The following DOCK11 variants were observed in gnomAD, a reference collection of about 807,000 sequenced individuals.
The protein encoded by DOCK11 is dedicator of cytokinesis 11.
In DOCK11, 70 loss-of-function variants were observed where a neutral mutation model predicts 169.1. The observed-to-expected ratio is 0.41, with a 90% confidence interval of 0.34 to 0.51. The LOEUF (loss-of-function observed/expected upper bound fraction) is 0.51, where lower values mean the gene tolerates loss of function less well. Ranked by LOEUF, DOCK11 falls within the 20% of genes least tolerant of loss-of-function variation. DOCK11 has a pLI of 0.10. For synonymous variants in DOCK11, 529 were observed against 541.3 expected (o/e 0.98, Z 0.32); for missense variants, 1,166 against 1,538.8 (o/e 0.76, Z 4.05).
In DOCK11 at chrX:118,549,106, C is replaced by CTGTG. The variant is rs57680469; in HGVS notation, c.558+3011_558+3014dup. Reference sequence around the variant, plus strand: ...CTTTTTATCCTCAGCTGCTCATATTCTGTGTGTGTGTGTGTGTGTGTGTGA... The same window carrying CTGTG: ...CTTTTTATCCTCAGCTGCTCATATTCTGTGTGTGTGTGTGTGTGTGTGTGTGTGA... On this transcript the variant is annotated intron_variant, in intron 6 of 52. Transcript: ENST00000276202. Among the ~76,000 whole-genome samples the CTGTG allele has an allele frequency of 2.5e-3, 248 of 99,113 alleles. 4 individuals carry two copies. In the East Asian group the frequency reaches 0.041, roughly 16 times the overall value. The allele number at this position is 99,113 out of a possible 115,157, so 86.1% of individuals were successfully genotyped here.
intron 1 of DOCK11, among the ~76,000 whole-genome samples, chrX:118,514,139 C>A (rs994300594): frequency 1.8e-5 from 2 of 109,835 alleles, no homozygotes; most frequent in South Asian, 7.8e-4. Flanking sequence ...AACGTCTGAC[C>A]TTTCCCCTGC....
intron 1 of DOCK11, among the ~76,000 whole-genome samples, chrX:118,509,215 C>T (rs1479928084): frequency 9.0e-6 from 1 of 111,205 alleles, no homozygotes; most frequent in Non-Finnish European, 1.9e-5. Flanking sequence ...TTACCCTCAC[C>T]AGGACCATAT....
At chrX:118,496,367 G>A (rs1449547568) in intron 1 of DOCK11, among the ~76,000 whole-genome samples, 2 of 112,016 alleles carry the variant, frequency 1.8e-5, no homozygotes, top group African/African-American at 6.5e-5. Flanking sequence ...ACCCAGGGTC[G>A]GGGCCGGGGG....
At chrX:118,677,144 A>G (rs1270406583) in intron 48 of DOCK11, among the ~76,000 whole-genome samples, 3 of 112,354 alleles carry the variant, frequency 2.7e-5, no homozygotes, top group African/African-American at 9.7e-5. Flanking sequence ...TGTAAATGCT[A>G]TTGTACATCA....
intron 6 of DOCK11, among the ~76,000 whole-genome samples, chrX:118,551,272 T>C (rs942417124): frequency 5.3e-5 from 6 of 112,766 alleles, no homozygotes; most frequent in Admixed American, 2.8e-4. Flanking sequence ...CTGAGCTTAT[T>C]TGATGCCCTG....
At chrX:118,516,636 T>C (rs779069306) in intron 1 of DOCK11, among the ~76,000 whole-genome samples, 86 of 108,895 alleles carry the variant, frequency 7.9e-4, no homozygotes, top group Non-Finnish European at 1.4e-3. Context: ...GGTTTCGCCA[T>C]GTTGGCCAGG....
intron 21 of DOCK11, among the ~76,000 whole-genome samples, 186 bp downstream of exon 21, chrX:118,597,738 A>G (rs1050308938): frequency 4.5e-5 from 5 of 111,824 alleles, no homozygotes; most frequent in African/African-American, 1.6e-4. Flanking sequence ...AAGTAATTTT[A>G]TGTCTGTTGA....
intron 6 of DOCK11, among the ~76,000 whole-genome samples, chrX:118,556,521 G>T (rs749959575): frequency 2.8e-5 from 3 of 106,777 alleles, no homozygotes; most frequent in African/African-American, 1.0e-4. Flanking sequence ...GGGTGAGGTG[G>T]GTAGATCACT....
At chrX:118,603,172 A>G (rs2014394084) in intron 23 of DOCK11, among the ~76,000 whole-genome samples, 1 of 112,486 alleles carries the variant, frequency 8.9e-6, no homozygotes, top group Admixed American at 9.4e-5. Flanking sequence ...GTAGGTGTAA[A>G]CACCTTACAT....
At chrX:118,681,941 T>A in intron 51 of DOCK11, 147 bp downstream of exon 51, 2 of 388,365 alleles carry the variant, frequency 5.1e-6, no homozygotes, top group Non-Finnish European at 8.8e-6. Context: ...GACCTCCTAA[T>A]GGCACTTTGA....
rs996839799 is a variant in DOCK11, at chrX:118,647,297, A to G, written c.4399-1648A>G. 6.8e-5 allele frequency among the ~76,000 whole-genome samples: 7 copies of G among 102,897 alleles called. No homozygotes were observed. In the Admixed American group the frequency reaches 7.0e-4, roughly 10 times the overall value. The allele number at this position is 102,897 out of a possible 115,157, so 89.4% of individuals were successfully genotyped here. ...ACAATAAAGGAACTGTTGAAATATA[A>G]AGCAAAAGAGTAAGTAATGAAAATT... On this transcript the variant is annotated intron_variant, in intron 40 of 52. Transcript: ENST00000276202.
intron 28 of DOCK11, among the ~76,000 whole-genome samples, chrX:118,614,255 C>G (rs2014755486): frequency 9.0e-6 from 1 of 111,591 alleles, no homozygotes; most frequent in African/African-American, 3.3e-5. Flanking sequence ...CATAGGCAAG[C>G]CTCACTTTCA....
chrX:118,517,217 T>TA (rs2057695839), intron 1 of DOCK11, among the ~76,000 whole-genome samples: 5 of 108,363 alleles, frequency 4.6e-5, no homozygotes, highest in African/African-American at 1.7e-4. Flanking sequence ...CCCTGTCTCT[T>TA]AAAAAAAATA....
chrX:118,505,102 T>C (rs1009271693), intron 1 of DOCK11, among the ~76,000 whole-genome samples: 1 of 112,331 alleles, frequency 8.9e-6, no homozygotes, highest in Non-Finnish European at 1.9e-5. Flanking sequence ...TGGTTCACTG[T>C]AACCTCCGCC....
intron 44 of DOCK11, among the ~76,000 whole-genome samples, chrX:118,660,488 A>T (rs1050374731): frequency 9.1e-6 from 1 of 110,319 alleles, no homozygotes. Context: ...ATTTTTTGAG[A>T]TGGCGTCTCG....
At chrX:118,614,494 C>T (rs950544346) in intron 28 of DOCK11, among the ~76,000 whole-genome samples, 198 bp from the exon 29 acceptor site, 1 of 111,795 alleles carries the variant, frequency 8.9e-6, no homozygotes, top group Non-Finnish European at 1.9e-5. Flanking sequence ...TGAGGCCCTT[C>T]AGTCCCAATT....
At chrX:118,515,311 G>A (rs772621126) in intron 1 of DOCK11, among the ~76,000 whole-genome samples, 109 of 112,084 alleles carry the variant, frequency 9.7e-4, no homozygotes, top group African/African-American at 3.3e-3. Flanking sequence ...TCGGCTTACC[G>A]CAACCTCCGC....
intron 4 of DOCK11, among the ~76,000 whole-genome samples, chrX:118,544,976 T>C (rs773963426): frequency 1.8e-5 from 2 of 109,468 alleles, no homozygotes; most frequent in South Asian, 4.0e-4. Context: ...TGGCCTGTGT[T>C]GCTTTTTGAC....
intron 10 of DOCK11, among the ~76,000 whole-genome samples, chrX:118,568,373 TATATATATATATATATATATATATATATA>T (rs2013149402): frequency 4.3e-3 from 5 of 1,157 alleles, no homozygotes; most frequent in African/African-American, 0.014. Context: ...GGCTGAATTA[TATATATATATATATATATATATATATATA>T]TATATATATA....
Sources: gnomAD v4.1 joint callset for allele counts (sites outside exome capture counted in the v4.1 genomes callset) on GRCh38, gnomAD v4.1.1 for gene constraint, MANE v1.5 for transcripts, NCBI Gene and HGNC (gene_info 2026-07-23, HGNC 2026-07-21) for gene names.